Variants in ITGBL1 observed in about 807,000 individuals in gnomAD.
The protein encoded by ITGBL1 is integrin subunit beta like 1.
In ITGBL1, 51 loss-of-function variants were observed where a neutral mutation model predicts 68.5. That is an observed-to-expected ratio of 0.74 (90% CI 0.59 to 0.94). ITGBL1 has a LOEUF of 0.94. ITGBL1 is among the 40% of genes least tolerant of loss of function. The pLI, the probability that ITGBL1 is intolerant of heterozygous loss-of-function variation, is 0.00. For missense variants in ITGBL1, 649 were observed against 647.4 expected (o/e 1.00, Z -0.03); for synonymous variants, 209 against 227.3 (o/e 0.92, Z 0.72).
intron 2 of ITGBL1, among the ~76,000 whole-genome samples, chr13:101,492,030 C>A (rs537097459): frequency 6.6e-6 from 1 of 152,142 alleles, no homozygotes; most frequent in Admixed American, 6.5e-5. Context: ...TCCAGTCTAT[C>A]ATTGATGGGC....
chr13:101,718,211 A>G (rs2034796470), downstream of ITGBL1: 1 of 152,072 alleles, frequency 6.6e-6, no homozygotes, highest in Non-Finnish European at 1.5e-5. Flanking sequence ...ATTTCTGTCC[A>G]CTATGTTTGT....
chr13:101,619,276 C>G (rs1301132077), intron 7 of ITGBL1, among the ~76,000 whole-genome samples: 3 of 151,936 alleles, frequency 2.0e-5, no homozygotes, highest in Admixed American at 2.0e-4. Context: ...GATTACATGG[C>G]AAAAGGGACT....
chr13:101,591,680 A>G (rs1045430128), intron 6 of ITGBL1, among the ~76,000 whole-genome samples: 13 of 152,200 alleles, frequency 8.5e-5, no homozygotes, highest in African/African-American at 2.2e-4. Context: ...CTGGAGGCCA[A>G]TTTTCATATT....
intron 2 of ITGBL1, among the ~76,000 whole-genome samples, chr13:101,491,263 G>C (rs944251653): frequency 1.3e-5 from 2 of 152,272 alleles, no homozygotes; most frequent in Admixed American, 1.3e-4. Context: ...TCAGGGCCCA[G>C]TTCTAGCACT....
At chr13:101,563,569 G>C (rs2050134105) in intron 2 of ITGBL1, among the ~76,000 whole-genome samples, 1 of 151,726 alleles carries the variant, frequency 6.6e-6, no homozygotes, top group Non-Finnish European at 1.5e-5. Flanking sequence ...CCAAGTCCTT[G>C]AAAGACACAA....
intron 2 of ITGBL1, among the ~76,000 whole-genome samples, chr13:101,562,677 G>A (rs7329282): frequency 0.8 from 121,426 of 151,750 alleles, 48,723 homozygotes; most frequent in African/African-American, 0.87. Context: ...TAAATTTAAA[G>A]AATGACAGAC....
intron 6 of ITGBL1, among the ~76,000 whole-genome samples, chr13:101,596,115 A>C (rs1050676142): frequency 6.6e-6 from 1 of 152,172 alleles, no homozygotes; most frequent in Admixed American, 6.5e-5. Flanking sequence ...TCCTTTAAGA[A>C]GGAAATCCTT....
intron 2 of ITGBL1, among the ~76,000 whole-genome samples, chr13:101,557,499 G>C (rs1251433038): frequency 6.6e-6 from 1 of 152,164 alleles, no homozygotes; most frequent in Non-Finnish European, 1.5e-5. Flanking sequence ...ATCAGATAAA[G>C]AATTCTTTCA....
chr13:101,559,905 G>A (rs2050071752), intron 2 of ITGBL1, among the ~76,000 whole-genome samples: 1 of 152,108 alleles, frequency 6.6e-6, no homozygotes, highest in South Asian at 2.1e-4. Context: ...TACATGGCTA[G>A]TTAGTGTCCA....
At chr13:101,493,558 C>A (rs1180234267) in intron 2 of ITGBL1, among the ~76,000 whole-genome samples, 1 of 152,122 alleles carries the variant, frequency 6.6e-6, no homozygotes, top group Non-Finnish European at 1.5e-5. Flanking sequence ...CGTGCTTCAG[C>A]TGCATGACAA....
intron 7 of ITGBL1, among the ~76,000 whole-genome samples, chr13:101,600,752 A>G (rs879893470): frequency 3.9e-5 from 6 of 152,056 alleles, no homozygotes; most frequent in Non-Finnish European, 2.9e-5. Flanking sequence ...ATTGATTTGC[A>G]TATGTTGTAC....
intron 2 of ITGBL1, among the ~76,000 whole-genome samples, chr13:101,563,690 A>G (rs1399230426): frequency 1.3e-5 from 2 of 151,874 alleles, no homozygotes; most frequent in African/African-American, 2.4e-5. Flanking sequence ...GGCTCCAATG[A>G]TTTTACTAGC....
chr13:101,536,825 T>C (rs939666188), intron 2 of ITGBL1, among the ~76,000 whole-genome samples: 1 of 152,022 alleles, frequency 6.6e-6, no homozygotes, highest in African/African-American at 2.4e-5. Context: ...TATAATCTCA[T>C]ATTAATAATT....
chr13:101,593,573 G>T (rs1180578452), intron 6 of ITGBL1, among the ~76,000 whole-genome samples: 1 of 151,992 alleles, frequency 6.6e-6, no homozygotes, highest in Admixed American at 6.6e-5. Context: ...ATACACAATG[G>T]ATAATTCTGC....
At chr13:101,475,568 C>T (rs1397339405) in intron 2 of ITGBL1, among the ~76,000 whole-genome samples, 2 of 151,968 alleles carry the variant, frequency 1.3e-5, no homozygotes, top group East Asian at 3.9e-4. Context: ...TACTCAGGTA[C>T]AAGAAGGTTA....
chr13:101,533,535 T>C (rs2139165904), intron 2 of ITGBL1, among the ~76,000 whole-genome samples: 1 of 152,352 alleles, frequency 6.6e-6, no homozygotes, highest in South Asian at 2.1e-4. Flanking sequence ...TACGTAATCC[T>C]TCAAGTCTGG....
chr13:101,530,339 G>A (rs1236425706), intron 2 of ITGBL1, among the ~76,000 whole-genome samples: 1 of 152,114 alleles, frequency 6.6e-6, no homozygotes, highest in Non-Finnish European at 1.5e-5. Flanking sequence ...ATATACTATA[G>A]TGATGTCTAC....
At chr13:101,500,102 T>A (rs115831293) in intron 2 of ITGBL1, among the ~76,000 whole-genome samples, 86 of 152,292 alleles carry the variant, frequency 5.6e-4, no homozygotes, top group African/African-American at 1.9e-3. Flanking sequence ...TCTCACAAAA[T>A]AACACCTAAG....
At chr13:101,708,643 CTT>C (rs933385744) in intron 9 of ITGBL1, among the ~76,000 whole-genome samples, 3 of 152,160 alleles carry the variant, frequency 2.0e-5, no homozygotes, top group Non-Finnish European at 4.4e-5. Flanking sequence ...TTGAAAGAGA[CTT>C]TTTGGCAGAA....
Sources: gnomAD v4.1 joint callset for allele counts (sites outside exome capture counted in the v4.1 genomes callset) on GRCh38, gnomAD v4.1.1 for gene constraint, MANE v1.5 for transcripts, NCBI Gene and HGNC (gene_info 2026-07-23, HGNC 2026-07-21) for gene names.